CDCA2: variants seen among roughly 807,000 people sequenced by gnomAD.
CDCA2 encodes cell division cycle-associated protein 2.
CDCA2 carries 44 observed loss-of-function variants against 67.0 expected under a neutral mutation model. The observed-to-expected ratio is 0.66, with a 90% CI of 0.52 to 0.84. The LOEUF is 0.84. CDCA2 is among the 40% of genes least tolerant of loss of function. The pLI is 0.00. For synonymous variants in CDCA2, 447 were observed against 418.7 expected (o/e 1.07, Z -0.82); for missense variants, 1,253 against 1,203.2 (o/e 1.04, Z -0.61).
At chr8:25,496,905 T>A (rs573656478) in intron 13 of CDCA2, among the ~76,000 whole-genome samples, 7 of 152,192 alleles carry the variant, frequency 4.6e-5, no homozygotes, top group African/African-American at 1.7e-4. Context: ...TAATTGCAGT[T>A]TGGGGCAAAC....
At chr8:25,484,814 T>G (rs962104551) in intron 10 of CDCA2, among the ~76,000 whole-genome samples, 3 of 152,234 alleles carry the variant, frequency 2.0e-5, no homozygotes, top group Non-Finnish European at 2.9e-5. Flanking sequence ...TTGAGCAAGT[T>G]AAAATACTAA....
chr8:25,501,695 G>T (rs1362921414), intron 13 of CDCA2, among the ~76,000 whole-genome samples: 2 of 152,148 alleles, frequency 1.3e-5, no homozygotes, highest in Non-Finnish European at 2.9e-5. Flanking sequence ...CCTCCTACAG[G>T]CCAGGTGCCC....
At chr8:25,469,333 C>G (rs1028083318) in intron 6 of CDCA2, among the ~76,000 whole-genome samples, 2 of 152,140 alleles carry the variant, frequency 1.3e-5, no homozygotes, top group Non-Finnish European at 1.5e-5. Flanking sequence ...CTGCCTCCGC[C>G]CTTTTCAGGT....
At chr8:25,498,453 A>ACCACC (rs375231236) in intron 13 of CDCA2, among the ~76,000 whole-genome samples, 3 of 76,612 alleles carry the variant, frequency 3.9e-5, no homozygotes, top group African/African-American at 1.3e-4. Flanking sequence ...GGTAATCTGC[A>ACCACC]CCCCCCCCCC....
chr8:25,490,570 G>A (rs1479273487), intron 13 of CDCA2, among the ~76,000 whole-genome samples: 1 of 152,062 alleles, frequency 6.6e-6, no homozygotes, highest in Non-Finnish European at 1.5e-5. Flanking sequence ...GGAGACCCTG[G>A]CCCAGAATTG....
chr8:25,470,129 T>C, intron 7 of CDCA2, 149 bp downstream of exon 7: 1 of 542,524 alleles, frequency 1.8e-6, no homozygotes, highest in Non-Finnish European at 3.3e-6. Context: ...TGAATTCTTG[T>C]TATATGAGAG....
In CDCA2 at chr8:25,474,514, A is replaced by G. The variant is rs116129012; in HGVS notation, c.820+4534A>G. ...GTTCATGATCCATTTCTTTTATCCA[A>G]TTTCTTGGCATTTAATTATTCATAG... On this transcript the variant is annotated intron_variant, in intron 7 of 14. Coordinates refer to ENST00000330560, the MANE Select transcript of CDCA2 (RefSeq NM_152562.4). Among the ~76,000 whole-genome samples the G allele has an allele frequency of 8.8e-3, 1,332 of 152,036 alleles. 21 individuals carry two copies. Among genetic ancestry groups the G allele is most frequent in the African/African-American group, 0.03 (1,246 of 41,454 alleles).
chr8:25,503,958 G>A (rs963150671), intron 14 of CDCA2, among the ~76,000 whole-genome samples: 10 of 152,002 alleles, frequency 6.6e-5, no homozygotes, highest in African/African-American at 2.2e-4. Flanking sequence ...AGCCTAAGGC[G>A]GAAGGATTGC....
At position 25,462,045 on chromosome 8, in the gene CDCA2, T is replaced by C. The variant is rs1802712018; in HGVS notation, c.233-9T>C. On this transcript the variant is annotated splice_polypyrimidine_tract_variant and intron_variant, in intron 3 of 14. Coordinates refer to ENST00000330560, the MANE Select transcript of CDCA2 (RefSeq NM_152562.4). ...TTTTGTTCCAATTTATAAGAGAGTT[T>C]CATTACAGGAAAGTCATCATCCTAC... is the stretch of plus-strand genomic sequence containing the variant. The C allele has an allele frequency of 6.2e-7, 1 of 1,611,092 alleles. No individual in the cohort carries two copies. The highest frequency in any genetic ancestry group is 8.5e-7 in the Non-Finnish European group (1 of 1,177,676).
intron 7 of CDCA2, among the ~76,000 whole-genome samples, chr8:25,474,932 C>T (rs1015703725): frequency 1.3e-5 from 2 of 152,180 alleles, no homozygotes; most frequent in Admixed American, 1.3e-4. Flanking sequence ...AGAGTCACTT[C>T]TCTGCAGCTG....
chr8:25,470,248 T>A (rs755814952), intron 7 of CDCA2, among the ~76,000 whole-genome samples: 1 of 152,232 alleles, frequency 6.6e-6, no homozygotes, highest in South Asian at 2.1e-4. Flanking sequence ...AAGTATTCTT[T>A]GTTATAGGAA....
chr8:25,461,813 A>G (rs760719973), intron 3 of CDCA2, among the ~76,000 whole-genome samples: 1 of 152,254 alleles, frequency 6.6e-6, no homozygotes, highest in Non-Finnish European at 1.5e-5. Context: ...TTTATTCAAC[A>G]ACTTTTAATA....
At chr8:25,461,855 G>A (rs1802702150) in intron 3 of CDCA2, among the ~76,000 whole-genome samples, 199 bp from the exon 4 acceptor site, 1 of 152,178 alleles carries the variant, frequency 6.6e-6, no homozygotes, top group Admixed American at 6.5e-5. Context: ...TGTTCTAGGA[G>A]CATAGACTAA....
intron 13 of CDCA2, among the ~76,000 whole-genome samples, chr8:25,491,713 C>T (rs1030080980): frequency 8.5e-5 from 13 of 152,082 alleles, no homozygotes; most frequent in African/African-American, 2.7e-4. Flanking sequence ...ACCTCCCTGG[C>T]TCAAGTGATC....
chr8:25,485,194 TAA>T (rs1248318936), intron 10 of CDCA2, among the ~76,000 whole-genome samples: 134 of 95,962 alleles, frequency 1.4e-3, no homozygotes, highest in Non-Finnish European at 2.6e-3. Flanking sequence ...ATAATAATAA[TAA>T]TAATAATAAT....
At chr8:25,502,815 G>A (rs1169231996) in intron 13 of CDCA2, among the ~76,000 whole-genome samples, 1 of 152,104 alleles carries the variant, frequency 6.6e-6, no homozygotes, top group East Asian at 1.9e-4. Flanking sequence ...TTGTGGAAAT[G>A]TAGAAAGCTA....
intron 12 of CDCA2, 76 bp downstream of exon 12, chr8:25,487,410 A>T: frequency 1.1e-6 from 1 of 914,554 alleles, no homozygotes; most frequent in Non-Finnish European, 1.8e-6. Context: ...TGGCCAAATG[A>T]TAATGGGTGA....
chr8:25,507,415 CA>C lies in CDCA2; in HGVS notation c.2754del (p.Ala919ProfsTer20), dbSNP rs1260699310. ...TTCACTTCCACTTCCTTCCACTTCCCAAAAAGCCAAAAGAAGAACAATATGT... is the reference window on the plus strand; with the variant it reads ...TTCACTTCCACTTCCTTCCACTTCCCAAAAGCCAAAAGAAGAACAATATGT... ...WISLPLPSTS[Q>X]KAKRRTICTF... is the part of the protein sequence containing the mutation. On this transcript the variant is annotated frameshift_variant, in exon 15 of 15. Transcript: ENST00000330560. LOFTEE classifies it low-confidence loss of function (END_TRUNC). The C allele has an allele frequency of 1.2e-6, 2 of 1,613,846 alleles. No individual in the cohort carries two copies. Among genetic ancestry groups the C allele is most frequent in the South Asian group, 2.2e-5 (2 of 91,034 alleles).
At chr8:25,500,504 T>C (rs958481362) in intron 13 of CDCA2, among the ~76,000 whole-genome samples, 2 of 152,148 alleles carry the variant, frequency 1.3e-5, no homozygotes, top group Non-Finnish European at 2.9e-5. Context: ...TTTTTGTCAA[T>C]TAAAACTTTT....
Sources: allele counts gnomAD v4.1 joint callset (sites outside exome capture counted in the v4.1 genomes callset), GRCh38; gene constraint gnomAD v4.1.1; transcripts MANE v1.5; gene names NCBI Gene and HGNC (gene_info 2026-07-23, HGNC 2026-07-21).